Variants in PRKG1 observed in about 807,000 individuals in gnomAD.
PRKG1 encodes protein kinase cGMP-dependent 1, also known as cGMP-dependent protein kinase 1.
In PRKG1, 35 loss-of-function variants were observed where a neutral mutation model predicts 88.1. That is an observed-to-expected ratio of 0.40 (90% CI 0.30 to 0.53). The LOEUF is 0.53. Ranked by LOEUF, PRKG1 falls within the 20% of genes least tolerant of loss-of-function variation. The pLI is 0.59. For synonymous variants in PRKG1, 303 were observed against 292.5 expected (o/e 1.04, Z -0.37); for missense variants, 540 against 839.8 (o/e 0.64, Z 4.41).
chr10:51,618,165 C>T (rs1228252937), intron 3 of PRKG1, among the ~76,000 whole-genome samples: 1 of 152,124 alleles, frequency 6.6e-6, no homozygotes, highest in East Asian at 1.9e-4. Context: ...ATCTTGGCTT[C>T]AGAGATTAAG....
chr10:51,473,001 T>C (rs1588992702), intron 3 of PRKG1, among the ~76,000 whole-genome samples: 1 of 151,966 alleles, frequency 6.6e-6, no homozygotes, highest in East Asian at 1.9e-4. Context: ...GAAGGGATAG[T>C]TAAGTGACTT....
chr10:52,008,998 C>A (rs1258281651), intron 5 of PRKG1, among the ~76,000 whole-genome samples: 1 of 151,974 alleles, frequency 6.6e-6, no homozygotes, highest in Non-Finnish European at 1.5e-5. Context: ...TAAAAACCCT[C>A]GATAAACTAG....
chr10:51,043,065 ATC>A (rs1843444918), intron 1 of PRKG1, among the ~76,000 whole-genome samples: 1 of 152,178 alleles, frequency 6.6e-6, no homozygotes. Flanking sequence ...TTGTTATAGC[ATC>A]CCCAATAGAC....
At chr10:51,395,592 CTG>C (rs1837555818) in intron 2 of PRKG1, among the ~76,000 whole-genome samples, 1 of 152,058 alleles carries the variant, frequency 6.6e-6, no homozygotes, top group Non-Finnish European at 1.5e-5. Flanking sequence ...AACTGAGAAA[CTG>C]TAATTGAGAT....
intron 9 of PRKG1, among the ~76,000 whole-genome samples, chr10:52,169,350 A>G: frequency 6.6e-6 from 1 of 152,194 alleles, no homozygotes. Flanking sequence ...ATGTCTGCCC[A>G]TTTCCTGGCA....
At chr10:51,743,343 C>G (rs749150174) in intron 3 of PRKG1, among the ~76,000 whole-genome samples, 1 of 151,900 alleles carries the variant, frequency 6.6e-6, no homozygotes, top group Non-Finnish European at 1.5e-5. Flanking sequence ...CAGTGCTGCC[C>G]TTTCAGTTTC....
rs545485043 is a variant in PRKG1, at chr10:51,603,333, A to G, written c.592+135497A>G. Among the ~76,000 whole-genome samples, 5 of 152,254 alleles carry G rather than the reference A, an allele frequency of 3.3e-5. No individual in the cohort carries two copies. In the East Asian group the frequency reaches 9.7e-4, roughly 29 times the overall value. ...GGAGATGGCCGGGACTTTCAAATCA[A>G]CTAGTTTAGTTATTTTCAATCTTTT... is the stretch of plus-strand genomic sequence containing the variant. On this transcript the variant is annotated intron_variant, in intron 3 of 17. Transcript: ENST00000373980.
chr10:51,452,822 G>A lies in PRKG1; in HGVS notation c.479-14901G>A, dbSNP rs946189131. On this transcript the variant is annotated intron_variant, in intron 2 of 17. Transcript: ENST00000373980. ...TGGCTTCATAGAATGATTTGGGAAG[G>A]ACTTCCTCTTTCTATATGTTTTGTA... Among the ~76,000 whole-genome samples the A allele has an allele frequency of 1.3e-5, 2 of 151,868 alleles. 1 individual carries two copies.
chr10:51,574,601 G>A (rs573773488), intron 3 of PRKG1, among the ~76,000 whole-genome samples: 4 of 151,924 alleles, frequency 2.6e-5, no homozygotes, highest in African/African-American at 4.8e-5. Flanking sequence ...ACCTCTTTTC[G>A]CAGTGTTACT....
intron 2 of PRKG1, among the ~76,000 whole-genome samples, chr10:51,163,537 G>A (rs899518808): frequency 2.3e-4 from 35 of 152,128 alleles, no homozygotes; most frequent in African/African-American, 5.8e-4. Flanking sequence ...GACAATGGGC[G>A]CAAGACAGTG....
intron 9 of PRKG1, among the ~76,000 whole-genome samples, chr10:52,199,013 CTGCAGAGAA>C (rs1839586266): frequency 6.6e-6 from 1 of 152,058 alleles, no homozygotes; most frequent in Non-Finnish European, 1.5e-5. Flanking sequence ...GCCTTTCAGA[CTGCAGAGAA>C]TGCTACTTTG....
intron 2 of PRKG1, among the ~76,000 whole-genome samples, chr10:51,287,543 G>A (rs12264442): frequency 0.17 from 25,483 of 152,042 alleles, 2,469 homozygotes; most frequent in African/African-American, 0.26. Context: ...GTGAAGAGAG[G>A]AAATGATATT....
intron 5 of PRKG1, among the ~76,000 whole-genome samples, chr10:51,991,119 A>C (rs1844294686): frequency 6.6e-6 from 1 of 152,042 alleles, no homozygotes; most frequent in Non-Finnish European, 1.5e-5. Flanking sequence ...TGTTCACCTC[A>C]TTTCATTTTC....
intron 1 of PRKG1, among the ~76,000 whole-genome samples, chr10:51,045,569 G>A (rs887262766): frequency 3.9e-5 from 6 of 151,960 alleles, no homozygotes; most frequent in Non-Finnish European, 5.9e-5. Flanking sequence ...CTGGTGATCC[G>A]CCCACCTTGA....
At chr10:51,650,009 C>T (rs1002867809) in intron 3 of PRKG1, among the ~76,000 whole-genome samples, 16 of 152,138 alleles carry the variant, frequency 1.1e-4, no homozygotes, top group Admixed American at 7.9e-4. Flanking sequence ...CCTATGGTGC[C>T]GGCCCGAGAG....
chr10:51,351,367 T>C (rs1435925816), intron 2 of PRKG1, among the ~76,000 whole-genome samples: 2 of 152,154 alleles, frequency 1.3e-5, no homozygotes, highest in Admixed American at 6.5e-5. Context: ...TAATTTACAT[T>C]CTCACCAACA....
chr10:51,721,077 G>T (rs1842000311), intron 3 of PRKG1, among the ~76,000 whole-genome samples: 1 of 151,894 alleles, frequency 6.6e-6, no homozygotes, highest in African/African-American at 2.4e-5. Context: ...GCTGGGCATG[G>T]TGATGTGTGC....
intron 4 of PRKG1, among the ~76,000 whole-genome samples, chr10:51,858,852 C>T (rs578072030): frequency 1.3e-5 from 2 of 152,144 alleles, no homozygotes; most frequent in African/African-American, 4.8e-5. Flanking sequence ...TTCCCTGAAT[C>T]GCTAATTCTA....
At chr10:52,159,846 T>G (rs1838232417) in intron 8 of PRKG1, among the ~76,000 whole-genome samples, 1 of 151,882 alleles carries the variant, frequency 6.6e-6, no homozygotes. Flanking sequence ...CTTAATATAT[T>G]GAAATGGATT....
Sources: gnomAD v4.1 joint callset for allele counts (sites outside exome capture counted in the v4.1 genomes callset) on GRCh38, gnomAD v4.1.1 for gene constraint, MANE v1.5 for transcripts, NCBI Gene and HGNC (gene_info 2026-07-23, HGNC 2026-07-21) for gene names.